UNC13C: variants seen among roughly 807,000 people sequenced by gnomAD.
The protein encoded by UNC13C is unc-13 homolog C.
A neutral mutation model predicts 245.4 loss-of-function variants in UNC13C; 174 were observed. The ratio of observed to expected loss-of-function variants is 0.71; its 90% CI spans 0.63 to 0.80. The LOEUF (loss-of-function observed/expected upper bound fraction) is 0.80. Among genes scored for constraint, UNC13C ranks in the 30% least tolerant of loss-of-function variants. UNC13C has a pLI of 0.00. For synonymous variants in UNC13C, 992 were observed against 895.1 expected, an observed-to-expected ratio of 1.11 and a Z score of -1.93; for missense variants, 2,829 against 2,602.9, an observed-to-expected ratio of 1.09 and a Z score of -1.89.
rs1039898533 is a variant in UNC13C, at chr15:54,235,946, G to A, written c.3151-484G>A. 1.3e-5 allele frequency among the ~76,000 whole-genome samples: 2 copies of A among 151,424 alleles called. 1 individual carries two copies. Among genetic ancestry groups the A allele is most frequent in the Non-Finnish European group, 2.9e-5 (2 of 67,960 alleles). On this transcript the variant is annotated intron_variant, in intron 5 of 32. Transcript: ENST00000260323. The stretch of plus-strand genomic sequence containing the variant: ...TCTGATCATGACTCTGAATAAATCT[G>A]TTTCCTATATTGAAATATGCTGCAG...
At chr15:54,255,963 A>G (rs542765858) in intron 8 of UNC13C, among the ~76,000 whole-genome samples, 1 of 152,340 alleles carries the variant, frequency 6.6e-6, no homozygotes, top group East Asian at 1.9e-4. Flanking sequence ...CTGGAGAGAG[A>G]CTAAGAGGAT....
At chr15:54,046,585 A>G (rs1479213987) in intron 2 of UNC13C, among the ~76,000 whole-genome samples, 2 of 151,732 alleles carry the variant, frequency 1.3e-5, no homozygotes, top group Non-Finnish European at 2.9e-5. Context: ...TTTCCTTCAA[A>G]CTTTAAAAAT....
At chr15:54,068,611 G>A (rs1450902132) in intron 2 of UNC13C, among the ~76,000 whole-genome samples, 1 of 152,152 alleles carries the variant, frequency 6.6e-6, no homozygotes, top group Non-Finnish European at 1.5e-5. Flanking sequence ...CACTGCTAAA[G>A]GAGAATGTGT....
At chr15:54,101,290 T>C (rs913847765) in intron 2 of UNC13C, among the ~76,000 whole-genome samples, 1 of 152,146 alleles carries the variant, frequency 6.6e-6, no homozygotes, top group African/African-American at 2.4e-5. Flanking sequence ...CACAGGCTAT[T>C]ACTATTTTTA....
chr15:54,611,129 G>C (rs909356548), intron 30 of UNC13C, among the ~76,000 whole-genome samples: 12 of 152,188 alleles, frequency 7.9e-5, no homozygotes, highest in Non-Finnish European at 1.6e-4. Flanking sequence ...GTGTTGGTCA[G>C]AGTGATTGGG....
At chr15:54,281,956 A>C (rs2037008191) in intron 10 of UNC13C, among the ~76,000 whole-genome samples, 1 of 152,100 alleles carries the variant, frequency 6.6e-6, no homozygotes, top group South Asian at 2.1e-4. Flanking sequence ...ATGTAGCCTA[A>C]TGTTTTTGAG....
intron 18 of UNC13C, among the ~76,000 whole-genome samples, chr15:54,402,232 G>A (rs2040203079): frequency 1.3e-5 from 2 of 151,936 alleles, no homozygotes; most frequent in Admixed American, 1.3e-4. Flanking sequence ...AAGATATAAA[G>A]TAAAATTTCA....
intron 2 of UNC13C, among the ~76,000 whole-genome samples, chr15:54,127,782 T>C (rs1403758298): frequency 6.9e-6 from 1 of 144,720 alleles, no homozygotes; most frequent in East Asian, 2.0e-4. Context: ...AAATAATATA[T>C]TTAATATAAT....
At chr15:54,049,112 A>G (rs1897164608) in intron 2 of UNC13C, 5 of 370,198 alleles carry the variant, frequency 1.4e-5, no homozygotes, top group South Asian at 1.2e-4. Context: ...TTTGATCCAG[A>G]GCAATTTTCA....
At chr15:54,438,697 A>G (rs1890356970) in intron 19 of UNC13C, among the ~76,000 whole-genome samples, 1 of 151,970 alleles carries the variant, frequency 6.6e-6, no homozygotes, top group African/African-American at 2.4e-5. Context: ...TAGTACCTCT[A>G]GAGAGCTGGT....
At chr15:53,931,006 A>T in the UNC13C span, among the ~76,000 whole-genome samples, 878 of 152,290 alleles carry the variant, frequency 5.8e-3, 3 homozygotes, top group Non-Finnish European at 7.6e-3. Context: ...AATATTCTTA[A>T]TTTAAAGGGA....
At chr15:53,942,519 A>C in the UNC13C span, among the ~76,000 whole-genome samples, 1 of 152,032 alleles carries the variant, frequency 6.6e-6, no homozygotes, top group Non-Finnish European at 1.5e-5. Flanking sequence ...CCTATGTAAA[A>C]AACCTGCACA....
At chr15:54,186,090 A>G (rs1176220577) in intron 4 of UNC13C, among the ~76,000 whole-genome samples, 2 of 151,636 alleles carry the variant, frequency 1.3e-5, no homozygotes, top group East Asian at 1.9e-4. Flanking sequence ...TTGGTGTATA[A>G]GAATGCTTGT....
intron 19 of UNC13C, among the ~76,000 whole-genome samples, chr15:54,421,570 A>T (rs1000219379): frequency 1.3e-5 from 2 of 152,036 alleles, no homozygotes; most frequent in Non-Finnish European, 2.9e-5. Flanking sequence ...GGGCCCAGCA[A>T]TTCCTGTTTT....
At chr15:54,561,501 A>G (rs1011848173) in intron 29 of UNC13C, among the ~76,000 whole-genome samples, 3 of 151,970 alleles carry the variant, frequency 2.0e-5, no homozygotes, top group Admixed American at 6.6e-5. Context: ...CATGACATGA[A>G]CATCAACAGG....
At chr15:53,921,651 A>G in the UNC13C span, among the ~76,000 whole-genome samples, 1 of 152,226 alleles carries the variant, frequency 6.6e-6, no homozygotes, top group Admixed American at 6.5e-5. Flanking sequence ...GAGCTGTTAA[A>G]GACTCAAAAT....
chr15:53,838,374 T>C, the UNC13C span, among the ~76,000 whole-genome samples: 1 of 152,118 alleles, frequency 6.6e-6, no homozygotes, highest in Non-Finnish European at 1.5e-5. Context: ...TTGTAGCATA[T>C]AGATTTTTAA....
chr15:54,214,103 A>G (rs968091111), intron 4 of UNC13C, among the ~76,000 whole-genome samples: 22 of 152,064 alleles, frequency 1.4e-4, no homozygotes, highest in Admixed American at 2.6e-4. Context: ...TCATTAAAAC[A>G]GTACCTGATG....
chr15:54,014,579 C>G lies in UNC13C; in HGVS notation c.1676C>G (p.Ser559Cys). Residue 559 changes from serine (S) to cysteine (C), a missense_variant, in exon 2 of 33, where the codon TCT becomes TGT. Coordinates refer to ENST00000260323, the MANE Select transcript of UNC13C (RefSeq NM_001080534.3). ...SESDFSKLCQ[S>C]YSEDFSENQF... Reference sequence around the variant, plus strand: ...TCAGATTTTTCCAAATTGTGTCAGTCTTACTCAGAAGATTTTTCAGAAAAT... The same window carrying G: ...TCAGATTTTTCCAAATTGTGTCAGTGTTACTCAGAAGATTTTTCAGAAAAT... The G allele has an allele frequency of 1.2e-6, 2 of 1,613,734 alleles. No individual in the cohort carries two copies. The highest frequency in any genetic ancestry group is 1.7e-6 in the Non-Finnish European group (2 of 1,179,812).
Sources: allele counts gnomAD v4.1 joint callset (sites outside exome capture counted in the v4.1 genomes callset), GRCh38; gene constraint gnomAD v4.1.1; transcripts MANE v1.5; gene names NCBI Gene and HGNC (gene_info 2026-07-23, HGNC 2026-07-21).